ZNF48: variants seen among roughly 807,000 people sequenced by gnomAD.
ZNF48 encodes the protein zinc finger protein 48.
A neutral mutation model predicts 40.0 loss-of-function variants in ZNF48; 20 were observed. The ratio of observed to expected loss-of-function variants is 0.50; its 90% CI spans 0.35 to 0.73. The LOEUF (loss-of-function observed/expected upper bound fraction) is 0.73. ZNF48 is among the 30% of genes least tolerant of loss of function. ZNF48 has a pLI of 0.01. For synonymous variants in ZNF48, 298 were observed against 329.7 expected, an observed-to-expected ratio of 0.90 and a Z score of 1.04; for missense variants, 726 against 851.9, an observed-to-expected ratio of 0.85 and a Z score of 1.84.
chr16:30,384,563 C>T (rs2049885796), intron 1 of ZNF48, among the ~76,000 whole-genome samples: 1 of 151,318 alleles, frequency 6.6e-6, no homozygotes, highest in Admixed American at 6.6e-5. Context: ...TACTTAATAC[C>T]ATCTAGGGAC....
upstream of ZNF48, among the ~76,000 whole-genome samples, chr16:30,390,419 A>T (rs1032101366): frequency 7.9e-5 from 12 of 151,250 alleles, no homozygotes; most frequent in South Asian, 4.2e-4. Flanking sequence ...TTATTTATTT[A>T]TTTTTTTTGA....
chr16:30,380,842 C>T (rs1460236281), intron 1 of ZNF48: 10 of 471,568 alleles, frequency 2.1e-5, no homozygotes, highest in Non-Finnish European at 3.5e-5. Flanking sequence ...TCTGAAGACA[C>T]GGGGTGGGGG....
chr16:30,396,662 C>T (rs966134718), intron 2 of ZNF48, among the ~76,000 whole-genome samples: 1 of 150,938 alleles, frequency 6.6e-6, no homozygotes, highest in African/African-American at 2.4e-5. Context: ...GTCAGAGAGA[C>T]CTTAGTTAGA....
At chr16:30,379,569 C>T in intron 1 of ZNF48, 2 of 1,516,844 alleles carry the variant, frequency 1.3e-6, no homozygotes, top group South Asian at 1.1e-5. Flanking sequence ...ACCATTGGCT[C>T]ACACGGCAGA....
chr16:30,384,299 C>T (rs1382963008), intron 1 of ZNF48, among the ~76,000 whole-genome samples: 1 of 152,044 alleles, frequency 6.6e-6, no homozygotes, highest in Non-Finnish European at 1.5e-5. Flanking sequence ...GAGGCTGAGT[C>T]GGGCAGATCA....
rs1177119258 is a variant in ZNF48 at position 30,395,423 on chromosome 16, C to G, written c.-171C>G. 1 of 360,882 alleles carries G rather than the reference C, an allele frequency of 2.8e-6. No individual in the cohort carries two copies. The highest frequency in any genetic ancestry group is 3.5e-5 in the Admixed American group (1 of 28,440). The allele number at this position is 360,882 out of a possible 1,614,324, so 22.4% of individuals were successfully genotyped here. On this transcript the variant is annotated 5_prime_UTR_variant, in exon 1 of 3. Coordinates refer to ENST00000613509, the MANE Select transcript of ZNF48 (RefSeq NM_001214909.2). The surrounding 1 kb of genome is among the most constrained non-coding windows in gnomAD (Gnocchi z 5.9). ...GCCCCGCGCTTCCGCTTCCCGTCCC[C>G]GCCCCCGGTGGCCGCCCCCGGGACG...
intron 1 of ZNF48, among the ~76,000 whole-genome samples, chr16:30,383,742 G>C (rs986970658): frequency 6.6e-6 from 1 of 152,200 alleles, no homozygotes; most frequent in African/African-American, 2.4e-5. Flanking sequence ...GCCTCCCTCA[G>C]CTGGCCTCAT....
rs888305554 is a variant in ZNF48 at position 30,398,568 on chromosome 16, G to A, written c.1318G>A (p.Glu440Lys). The change falls in exon 3 of 3, where the codon GAG (glutamate) becomes AAG (lysine). Residue 440 changes from glutamate to lysine, a missense_variant. Physicochemically the swap from Glu to Lys is moderately conservative, Grantham distance 56. This residue lies in a region of ZNF48 where 378 missense variants were observed against 449.1 expected (regional missense o/e 0.84). Coordinates refer to ENST00000613509, the MANE Select transcript of ZNF48 (RefSeq NM_001214909.2). The surrounding 1 kb of genome is among the most constrained non-coding windows in gnomAD (Gnocchi z 6.6). Reference sequence around the variant, plus strand: ...AGAGCCTGGGGGCCCACAGGCTGGGGAGCCACCCCCACCACTGGCGGGCGA... The same window carrying A: ...AGAGCCTGGGGGCCCACAGGCTGGGAAGCCACCCCCACCACTGGCGGGCGA... ...EPEPGGPQAG[E>K]PPPPLAGDKP... 2.5e-6 allele frequency: 4 copies of A among 1,611,508 alleles called. No individual in the cohort carries two copies. The highest frequency in any genetic ancestry group is 2.5e-6 in the Non-Finnish European group (3 of 1,179,418).
At chr16:30,383,414 C>A (rs1179038288) in intron 1 of ZNF48, among the ~76,000 whole-genome samples, 1 of 152,210 alleles carries the variant, frequency 6.6e-6, no homozygotes, top group Non-Finnish European at 1.5e-5. Context: ...TGGTTTCGAT[C>A]TCCTGACCTC....
intron 1 of ZNF48, chr16:30,380,965 T>C (rs2049838426): frequency 7.1e-6 from 5 of 702,394 alleles, no homozygotes; most frequent in South Asian, 6.7e-5. Context: ...TTCAGAGACA[T>C]GGCTATGCTG....
intron 1 of ZNF48, among the ~76,000 whole-genome samples, chr16:30,389,126 G>C (rs1194346670): frequency 6.6e-6 from 1 of 151,996 alleles, no homozygotes; most frequent in African/African-American, 2.4e-5. Context: ...GGGCACAGTG[G>C]CTCATGCCTG....
At position 30,383,183 on chromosome 16, in the gene ZNF48, TTTTC is replaced by T. The variant is rs757662117; in HGVS notation, c.-16+4789_-16+4792del. Among the ~76,000 whole-genome samples, 8 of 152,110 alleles carry T rather than the reference TTTTC, an allele frequency of 5.3e-5. No individual in the cohort carries two copies. In the South Asian group the frequency reaches 6.2e-4, roughly 12 times the overall value. The stretch of plus-strand genomic sequence containing the variant: ...AGCAACACAGCAAAACCCTGTTTCT[TTTTC>T]TTTCTTTCTTTCTTTTTTTGAGACG... On this transcript the variant is annotated intron_variant, in intron 1 of 2. Coordinates refer to the ZNF48 transcript ENST00000528032.
chr16:30,382,533 C>A lies in ZNF48; in HGVS notation c.-16+4123C>A, dbSNP rs374954816. ...TGGGTGTAAGGACTCACCATGACTC[C>A]GCCAGCCATCACTGCACCTGCCGTC... On this transcript the variant is annotated intron_variant, in intron 1 of 2. Coordinates refer to the ZNF48 transcript ENST00000528032. This position sits in a 1 kb window ranked among gnomAD's most constrained non-coding sequence, Gnocchi z 4.8. 1 of 1,590,806 alleles carries A rather than the reference C, an allele frequency of 6.3e-7. No homozygotes were observed. Among genetic ancestry groups the A allele is most frequent in the South Asian group, 1.1e-5 (1 of 87,886 alleles).
intron 1 of ZNF48, chr16:30,379,617 T>G: frequency 3.1e-6 from 2 of 635,690 alleles, no homozygotes; most frequent in Non-Finnish European, 5.6e-6. Context: ...CACACCCGCC[T>G]CCTCTGCTTC....
chr16:30,378,418 C>T lies in ZNF48; in HGVS notation c.-16+8C>T, dbSNP rs528373125. 16 of 1,554,700 alleles carry T rather than the reference C, an allele frequency of 1.0e-5. No individual in the cohort carries two copies. In the African/African-American group the frequency reaches 1.8e-4, roughly 17 times the overall value. On this transcript the variant is annotated splice_region_variant and intron_variant, in intron 1 of 2. Transcript: ENST00000528032. ...ACTGAAGGCGGAGCCGAGGTAAGGC[C>T]GGGCGGGGCGTGGCCTCAGAGGGCG...
At position 30,399,282 on chromosome 16, in the gene ZNF48, G is replaced by A. The variant is rs1036128755; in HGVS notation, c.*175G>A. 8.7e-6 allele frequency: 6 copies of A among 690,022 alleles called. No homozygotes were observed. Among genetic ancestry groups the A allele is most frequent in the Non-Finnish European group, 1.4e-5 (6 of 433,826 alleles). 42.7% of individuals were successfully genotyped at this position (690,022 alleles called of 1,614,324 possible). A position where few individuals can be genotyped will look rare whatever the true frequency, so the allele number is the denominator to read the frequency against. On this transcript the variant is annotated 3_prime_UTR_variant, in exon 3 of 3. Transcript: ENST00000613509. ...CCTTGAAGCTCAGGAAACTGTCCTG[G>A]CTGGGCTGAGTCAGGACCTTGCCAG...
In ZNF48 at chr16:30,389,816, G is replaced by GTTTTTTTTTTTTTTTT. The variant is rs56373430; in HGVS notation, c.-15-5942_-15-5927dup. Among the ~76,000 whole-genome samples the GTTTTTTTTTTTTTTTT allele has an allele frequency of 3.6e-4, 8 of 22,502 alleles. 2 individuals are homozygous for GTTTTTTTTTTTTTTTT. The highest frequency in any genetic ancestry group is 6.5e-4 in the Non-Finnish European group (6 of 9,198). The allele number at this position is 22,502 out of a possible 152,430, so 14.8% of individuals were successfully genotyped here. On this transcript the variant is annotated intron_variant, in intron 1 of 2. Coordinates refer to the ZNF48 transcript ENST00000528032. ...AGTAATTATTTAGTCATTTGGATTA[G>GTTTTTTTTTTTTTTTT]TTTTTTTTTTTTTTTTTTTTTTTTT...
rs2049847237 is a variant in ZNF48 at position 30,381,414 on chromosome 16, C to T, written c.-16+3004C>T. ...CTGGATGTTCTTCCGGTTCAGGCCACTCTCATCCCTAAGGTACTGCTCAAA... is the reference window on the plus strand; with the variant it reads ...CTGGATGTTCTTCCGGTTCAGGCCATTCTCATCCCTAAGGTACTGCTCAAA... On this transcript the variant is annotated intron_variant, in intron 1 of 2. Coordinates refer to the ZNF48 transcript ENST00000528032. This position sits in a 1 kb window ranked among gnomAD's most constrained non-coding sequence, Gnocchi z 4.3. The T allele has an allele frequency of 1.2e-6, 2 of 1,614,008 alleles. No individual in the cohort carries two copies. Among genetic ancestry groups the T allele is most frequent in the East Asian group, 4.5e-5 (2 of 44,880 alleles).
rs906125127 is a variant in ZNF48, at chr16:30,399,920, C to A, written c.*813C>A. 2 of 152,364 alleles carry A rather than the reference C, an allele frequency of 1.3e-5. No homozygotes were observed. Among genetic ancestry groups the A allele is most frequent in the Non-Finnish European group, 2.9e-5 (2 of 68,172 alleles). The allele number at this position is 152,364 out of a possible 1,614,324, so 9.4% of individuals were successfully genotyped here. A position where few individuals can be genotyped will look rare whatever the true frequency, so the allele number is the denominator to read the frequency against. On this transcript the variant is annotated 3_prime_UTR_variant, in exon 3 of 3. Transcript: ENST00000613509. The stretch of plus-strand genomic sequence containing the variant: ...GGGAAAAGGGCAGGATGCTCTGAGG[C>A]CTGGCAGCCACATTTCCATGTGTCT...
Sources: gnomAD v4.1 joint callset for allele counts (sites outside exome capture counted in the v4.1 genomes callset) on GRCh38, gnomAD v4.1.1 for gene constraint, gnomAD v4.1.1 regional missense constraint, Gnocchi (gnomAD v3.1) non-coding constraint, MANE v1.5 for transcripts, NCBI Gene and HGNC (gene_info 2026-07-23, HGNC 2026-07-21) for gene names.